FAM117A: variants seen among roughly 807,000 people sequenced by gnomAD.
FAM117A encodes the protein family with sequence similarity 117 member A.
In FAM117A, 21 loss-of-function variants were observed where a neutral mutation model predicts 44.1. The ratio of observed to expected loss-of-function variants is 0.48; its 90% confidence interval spans 0.34 to 0.69. The LOEUF (loss-of-function observed/expected upper bound fraction) is 0.69, where lower values mean the gene tolerates loss of function less well. Ranked by LOEUF, FAM117A falls within the 30% of genes least tolerant of loss-of-function variation. The probability of loss-of-function intolerance (pLI) is 0.01; values close to 1 mark genes in which losing one functional copy is unlikely to be tolerated. For synonymous variants in FAM117A, 220 were observed against 238.3 expected, an observed-to-expected ratio of 0.92 and a Z score of 0.71; for missense variants, 498 against 589.9, an observed-to-expected ratio of 0.84 and a Z score of 1.61.
intron 3 of FAM117A, 65 bp downstream of exon 3, chr17:49,722,434 T>C: frequency 7.5e-7 from 1 of 1,337,424 alleles, no homozygotes; most frequent in Non-Finnish European, 1.1e-6. Context: ...GCAGATGCAT[T>C]GCATGGTACT....
intron 1 of FAM117A, among the ~76,000 whole-genome samples, chr17:49,772,138 A>T (rs919397152): frequency 2.6e-5 from 4 of 152,098 alleles, no homozygotes; most frequent in African/African-American, 4.8e-5. Context: ...GTAAAAATTT[A>T]AAAAATTAGC....
chr17:49,772,871 G>A (rs1180245872), intron 1 of FAM117A, among the ~76,000 whole-genome samples: 1 of 151,922 alleles, frequency 6.6e-6, no homozygotes, highest in Non-Finnish European at 1.5e-5. Context: ...TATTTTCAGA[G>A]TTGAAAAATA....
intron 1 of FAM117A, among the ~76,000 whole-genome samples, chr17:49,774,356 G>A (rs1489887980): frequency 8.5e-6 from 1 of 118,186 alleles, no homozygotes; most frequent in Admixed American, 1.1e-4. Flanking sequence ...ATACTGCCCA[G>A]GCTGGTCTTT....
At chr17:49,758,271 C>T (rs984875289) in intron 1 of FAM117A, among the ~76,000 whole-genome samples, 6 of 151,162 alleles carry the variant, frequency 4.0e-5, no homozygotes, top group African/African-American at 1.5e-4. Flanking sequence ...GTGGAGGTTG[C>T]CATGAGCCGA....
rs532314051 is a variant in FAM117A at position 49,758,186 on chromosome 17, G to T, written c.196+5706C>A. Among the ~76,000 whole-genome samples the T allele has an allele frequency of 1.0e-3, 152 of 151,854 alleles. 4 individuals are homozygous for T. In the South Asian group the frequency reaches 0.03, roughly 30 times the overall value. ...CTCTAATAAAAATACAAAAAAATTA[G>T]CTGGGCATGGTGGTGCGTGCCTGTA... On this transcript the variant is annotated intron_variant, in intron 1 of 7. Coordinates refer to ENST00000240364, the MANE Select transcript of FAM117A (RefSeq NM_030802.4).
chr17:49,775,199 A>G (rs942466322), intron 1 of FAM117A, among the ~76,000 whole-genome samples: 2 of 152,112 alleles, frequency 1.3e-5, no homozygotes, highest in African/African-American at 4.8e-5. Context: ...TGTTGGCCAG[A>G]CTGATCTCAA....
At chr17:49,778,015 G>T (rs2073779728) in intron 1 of FAM117A, among the ~76,000 whole-genome samples, 2 of 152,228 alleles carry the variant, frequency 1.3e-5, no homozygotes, top group Non-Finnish European at 2.9e-5. Flanking sequence ...GATGCACTTT[G>T]TGGGAGCACA....
chr17:49,736,094 G>A (rs2073609130), intron 1 of FAM117A, among the ~76,000 whole-genome samples: 1 of 152,128 alleles, frequency 6.6e-6, no homozygotes, highest in African/African-American at 2.4e-5. Flanking sequence ...GTATGTGTGT[G>A]TGTATATATA....
chr17:49,731,911 A>G (rs902018743), intron 2 of FAM117A, among the ~76,000 whole-genome samples: 4 of 151,968 alleles, frequency 2.6e-5, no homozygotes, highest in Non-Finnish European at 4.4e-5. Flanking sequence ...TCAGCCTCCC[A>G]AGTAGCTGGG....
At chr17:49,787,670 G>A (rs1000733008) in intron 1 of FAM117A, among the ~76,000 whole-genome samples, 4 of 152,220 alleles carry the variant, frequency 2.6e-5, no homozygotes, top group African/African-American at 9.7e-5. Flanking sequence ...GTCCTCTCAA[G>A]GCCTTTCCTC....
chr17:49,734,206 T>A lies in FAM117A; in HGVS notation c.197-1486A>T, dbSNP rs142108794. The stretch of plus-strand genomic sequence containing the variant: ...TTAAACAGAACAAAACACTTTCACA[T>A]CTGTAGTAATCCCTTAATAATTCAC... On this transcript the variant is annotated intron_variant, in intron 1 of 7. Transcript: ENST00000240364. Among the ~76,000 whole-genome samples the A allele has an allele frequency of 9.3e-5, 14 of 151,074 alleles. No individual in the cohort carries two copies. The East Asian group carries it at 2.7e-3, about 30-fold the overall frequency.
chr17:49,721,892 C>A (rs1030289121), intron 3 of FAM117A, among the ~76,000 whole-genome samples: 1 of 151,840 alleles, frequency 6.6e-6, no homozygotes, highest in Non-Finnish European at 1.5e-5. Context: ...GAGTTCAGGA[C>A]CACCCTGGCC....
At position 49,717,520 on chromosome 17, in the gene FAM117A, G is replaced by C. The variant is rs139184336; in HGVS notation, c.903C>G (p.Asn301Lys). The C allele has an allele frequency of 3.1e-6, 5 of 1,613,832 alleles. No homozygotes were observed. Among genetic ancestry groups the C allele is most frequent in the Non-Finnish European group, 4.2e-6 (5 of 1,179,954 alleles). The change falls in exon 6 of 8, where the codon AAC becomes AAG. Residue 301 changes from asparagine to lysine, a missense_variant. Asn to Lys is a moderately conservative substitution (Grantham distance 94, BLOSUM62 0). Transcript: ENST00000240364. ...TCAGCCTTCGCGGCTTACCTTTGTC[G>C]TTGGGGGTGGATGCCAGCTCCTCGG... ...GAAEELASTP[N>K]DKASSPGHPA... is the part of the protein sequence containing the mutation.
intron 1 of FAM117A, among the ~76,000 whole-genome samples, chr17:49,750,206 C>T (rs2073670754): frequency 6.7e-6 from 1 of 148,908 alleles, no homozygotes; most frequent in South Asian, 2.1e-4. Context: ...TTGCTTTCTT[C>T]ACATGCACTT....
intron 7 of FAM117A, among the ~76,000 whole-genome samples, chr17:49,712,410 A>G (rs1165337964): frequency 6.6e-6 from 1 of 152,228 alleles, no homozygotes; most frequent in African/African-American, 2.4e-5. Context: ...TGTGACAACT[A>G]AAAATGTCTC....
intron 1 of FAM117A, among the ~76,000 whole-genome samples, chr17:49,756,794 T>G (rs1339739141): frequency 2.6e-5 from 4 of 151,752 alleles, no homozygotes; most frequent in Non-Finnish European, 5.9e-5. Flanking sequence ...CACACTTGTG[T>G]AGTCCCAGCT....
intron 5 of FAM117A, among the ~76,000 whole-genome samples, chr17:49,718,603 G>A (rs1281224739): frequency 7.2e-5 from 11 of 151,838 alleles, no homozygotes; most frequent in Admixed American, 6.6e-4. Context: ...CCCAGGAGGC[G>A]GAGCTTACAG....
intron 1 of FAM117A, among the ~76,000 whole-genome samples, chr17:49,741,812 G>A (rs72839110): frequency 9.2e-5 from 14 of 152,278 alleles, no homozygotes; most frequent in Non-Finnish European, 1.6e-4. Context: ...AAACAGGGCA[G>A]GCCGTCTTCT....
intron 1 of FAM117A, among the ~76,000 whole-genome samples, chr17:49,773,763 T>C (rs1157318035): frequency 6.6e-6 from 1 of 152,120 alleles, no homozygotes; most frequent in Non-Finnish European, 1.5e-5. Flanking sequence ...AGCTTTTTTT[T>C]TTTTCTGGCG....
Sources: allele counts gnomAD v4.1 joint callset (sites outside exome capture counted in the v4.1 genomes callset), GRCh38; gene constraint gnomAD v4.1.1; transcripts MANE v1.5; gene names NCBI Gene and HGNC (gene_info 2026-07-23, HGNC 2026-07-21).